GRIA1: variants seen among roughly 807,000 people sequenced by gnomAD.
GRIA1 encodes the protein glutamate ionotropic receptor AMPA type subunit 1.
GRIA1 carries 31 observed loss-of-function variants against 99.2 expected under a neutral mutation model. That is an observed-to-expected ratio of 0.31 (90% CI 0.23 to 0.42). The LOEUF (loss-of-function observed/expected upper bound fraction) is 0.42. GRIA1 is among the 10% of genes least tolerant of loss of function. The pLI is 1.00. For missense variants in GRIA1, 782 were observed against 1,157.5 expected (o/e 0.68, Z 4.71); for synonymous variants, 438 against 432.4 (o/e 1.01, Z -0.16).
intron 2 of GRIA1, among the ~76,000 whole-genome samples, chr5:153,551,353 TTTG>T (rs199633781): frequency 1.4e-4 from 16 of 114,376 alleles, no homozygotes; most frequent in East Asian, 2.0e-4. Context: ...TACAGTTTTT[TTTG>T]TTTGTTTGTT....
At chr5:153,765,237 G>C (rs1177798897) in intron 12 of GRIA1, among the ~76,000 whole-genome samples, 1 of 152,162 alleles carries the variant, frequency 6.6e-6, no homozygotes, top group Non-Finnish European at 1.5e-5. Flanking sequence ...TCAGCAGATG[G>C]AGGCCCAGAA....
At chr5:153,684,322 G>C (rs1757196262) in intron 7 of GRIA1, among the ~76,000 whole-genome samples, 1 of 152,058 alleles carries the variant, frequency 6.6e-6, no homozygotes, top group South Asian at 2.1e-4. Context: ...GGCATTTTTT[G>C]AATACTCATC....
intron 15 of GRIA1, among the ~76,000 whole-genome samples, chr5:153,805,579 C>T (rs971216991): frequency 3.9e-5 from 6 of 152,190 alleles, no homozygotes; most frequent in African/African-American, 1.4e-4. Flanking sequence ...CAGGAAAGCT[C>T]CTGGACATCC....
At chr5:153,566,230 G>A (rs1345895462) in intron 2 of GRIA1, among the ~76,000 whole-genome samples, 1 of 143,174 alleles carries the variant, frequency 7.0e-6, no homozygotes, top group Admixed American at 7.1e-5. Flanking sequence ...ACTGATGGGT[G>A]TTGAACATCT....
At chr5:153,783,935 A>G (rs1034243001) in intron 13 of GRIA1, among the ~76,000 whole-genome samples, 3 of 152,210 alleles carry the variant, frequency 2.0e-5, no homozygotes, top group Non-Finnish European at 4.4e-5. Flanking sequence ...GAAGCGTGTA[A>G]GATGACTAGG....
intron 2 of GRIA1, among the ~76,000 whole-genome samples, chr5:153,526,082 C>T (rs1185479016): frequency 6.6e-6 from 1 of 152,144 alleles, no homozygotes; most frequent in African/African-American, 2.4e-5. Flanking sequence ...AGATTTCAGC[C>T]TTGGCTACTA....
rs752944931 is a variant in GRIA1 at position 153,705,999 on chromosome 5, T to C, written c.1755T>C (p.Phe585=). ...CAACCAGTGACCAGTCCAATGAGTT[T>C]GGGATATTCAACAGTTTGTGGTTCT... is the stretch of plus-strand genomic sequence containing the variant. The part of the protein sequence containing the change: ...DQTTSDQSNE[F]GIFNSLWFSL... The change falls in exon 11 of 16, where the codon TTT becomes TTC. Residue 585 remains phenylalanine (F), a synonymous_variant. Coordinates refer to ENST00000285900, the MANE Select transcript of GRIA1 (RefSeq NM_000827.4). 22 of 1,613,972 alleles carry C rather than the reference T, an allele frequency of 1.4e-5. No individual in the cohort carries two copies. The highest frequency in any genetic ancestry group is 1.9e-5 in the Non-Finnish European group (22 of 1,179,870).
chr5:153,715,422 G>A (rs1338897046), intron 11 of GRIA1, among the ~76,000 whole-genome samples: 1 of 151,934 alleles, frequency 6.6e-6, no homozygotes, highest in Non-Finnish European at 1.5e-5. Context: ...TATAGTCATA[G>A]TTATAAGCTT....
intron 5 of GRIA1, among the ~76,000 whole-genome samples, chr5:153,663,687 T>C (rs943740728): frequency 6.6e-6 from 1 of 152,252 alleles, no homozygotes; most frequent in Non-Finnish European, 1.5e-5. Context: ...AAGATCTCAA[T>C]TTGTTCTAGA....
chr5:153,535,456 A>T (rs1313263048), intron 2 of GRIA1, among the ~76,000 whole-genome samples: 3 of 152,230 alleles, frequency 2.0e-5, no homozygotes, highest in South Asian at 2.1e-4. Context: ...ACCTCCTGGC[A>T]CATATGATAG....
At chr5:153,611,611 G>A (rs1424921615) in intron 2 of GRIA1, among the ~76,000 whole-genome samples, 2 of 152,238 alleles carry the variant, frequency 1.3e-5, no homozygotes, top group African/African-American at 2.4e-5. Flanking sequence ...CTGGTTCACA[G>A]ATGCATAATT....
At chr5:153,671,498 T>G (rs1756171502) in intron 5 of GRIA1, among the ~76,000 whole-genome samples, 1 of 152,234 alleles carries the variant, frequency 6.6e-6, no homozygotes, top group Non-Finnish European at 1.5e-5. Context: ...AGGAACCTAG[T>G]TCTGATTTCA....
intron 7 of GRIA1, among the ~76,000 whole-genome samples, chr5:153,685,808 T>A (rs867431519): frequency 2.6e-5 from 4 of 152,176 alleles, no homozygotes; most frequent in Non-Finnish European, 4.4e-5. Flanking sequence ...TTGTCCTGGG[T>A]CTTCTGACTC....
chr5:153,677,606 C>T (rs768900790), intron 7 of GRIA1, among the ~76,000 whole-genome samples: 1 of 152,224 alleles, frequency 6.6e-6, no homozygotes, highest in Non-Finnish European at 1.5e-5. Flanking sequence ...CTGATACTAC[C>T]TTCTTGCTTC....
intron 2 of GRIA1, among the ~76,000 whole-genome samples, chr5:153,629,027 G>T (rs1324931888): frequency 6.6e-6 from 1 of 152,174 alleles, no homozygotes; most frequent in Admixed American, 6.5e-5. Flanking sequence ...AGAACCTCCA[G>T]CCCAGGGACA....
At chr5:153,740,593 C>G (rs1451706959) in intron 11 of GRIA1, among the ~76,000 whole-genome samples, 2 of 152,138 alleles carry the variant, frequency 1.3e-5, no homozygotes, top group Non-Finnish European at 2.9e-5. Flanking sequence ...ATACTTCTTC[C>G]TAGGGAGTTG....
In GRIA1 at chr5:153,795,331, C is replaced by T. The variant is rs115143714; in HGVS notation, c.2385+596C>T. On this transcript the variant is annotated intron_variant, in intron 14 of 15. Transcript: ENST00000285900. ...TTGGGCGGGCAGTGACATGGTGGGG[C>T]GGGGCCAGATGGAGTATTTTAGAGT... 2.7e-3 allele frequency: 1,530 copies of T among 557,996 alleles called. 19 individuals are homozygous for T. The highest frequency in any genetic ancestry group is 0.026 in the African/African-American group (1,369 of 52,656). 34.6% of individuals were successfully genotyped at this position (557,996 alleles called of 1,614,324 possible).
intron 14 of GRIA1, chr5:153,795,466 C>G (rs974237422): frequency 2.1e-6 from 3 of 1,457,064 alleles, no homozygotes; most frequent in Non-Finnish European, 2.9e-6. Context: ...TATTTCCCCC[C>G]TGGTTGAAGA....
intron 8 of GRIA1, among the ~76,000 whole-genome samples, chr5:153,696,382 C>T (rs568729854): frequency 6.6e-6 from 1 of 152,172 alleles, no homozygotes; most frequent in African/African-American, 2.4e-5. Flanking sequence ...TGGCTAAATG[C>T]AGCCTCTGGA....
Sources: gnomAD v4.1 joint callset for allele counts (sites outside exome capture counted in the v4.1 genomes callset) on GRCh38, gnomAD v4.1.1 for gene constraint, MANE v1.5 for transcripts, NCBI Gene and HGNC (gene_info 2026-07-23, HGNC 2026-07-21) for gene names.